Variants in ATF7IP2 observed in about 807,000 individuals in gnomAD.
ATF7IP2 encodes the protein activating transcription factor 7 interacting protein 2.
ATF7IP2 carries 42 observed loss-of-function variants against 64.2 expected under a neutral mutation model. The observed-to-expected ratio is 0.65, with a 90% CI of 0.51 to 0.85. ATF7IP2 has a LOEUF of 0.85. ATF7IP2 is among the 40% of genes least tolerant of loss of function. The pLI is 0.00. For synonymous variants in ATF7IP2, 308 were observed against 272.8 expected, an observed-to-expected ratio of 1.13 and a Z score of -1.27; for missense variants, 933 against 784.2, an observed-to-expected ratio of 1.19 and a Z score of -2.27.
In ATF7IP2 at chr16:10,412,010, G is replaced by GGTTTTTTTTTTTTTTTTTTTTTTTTT. The variant is rs1476575065; in HGVS notation, c.-241-2564_-241-2563insGTTTTTTTTTTTTTTTTTTTTTTTTT. ...CTTTTTGTTTCATTTATCTTTTTTT[G>GGTTTTTTTTTTTTTTTTTTTTTTTTT]TTTTTTTTTTTTTTTTTTTTTTTTT... On this transcript the variant is annotated intron_variant, in intron 1 of 13. Transcript: ENST00000562102. Among the ~76,000 whole-genome samples, 56 of 58,404 alleles carry GGTTTTTTTTTTTTTTTTTTTTTTTTT rather than the reference G, an allele frequency of 9.6e-4. 3 individuals carry two copies. Among genetic ancestry groups the GGTTTTTTTTTTTTTTTTTTTTTTTTT allele is most frequent in the Non-Finnish European group, 1.3e-3 (38 of 30,164 alleles). The allele number at this position is 58,404 out of a possible 152,430, so 38.3% of individuals were successfully genotyped here.
chr16:10,404,856 C>G (rs1488431233), intron 1 of ATF7IP2, among the ~76,000 whole-genome samples: 1 of 151,928 alleles, frequency 6.6e-6, no homozygotes, highest in South Asian at 2.1e-4. Flanking sequence ...AGTAACCTTA[C>G]AAGTCAGAAT....
intron 1 of ATF7IP2, among the ~76,000 whole-genome samples, chr16:10,397,980 C>T (rs915619071): frequency 1.3e-5 from 2 of 151,792 alleles, no homozygotes; most frequent in African/African-American, 4.8e-5. Context: ...TGAAATATCA[C>T]ATCTCACACC....
chr16:10,439,087 C>A (rs2048521257), intron 7 of ATF7IP2, among the ~76,000 whole-genome samples: 1 of 149,692 alleles, frequency 6.7e-6, no homozygotes, highest in Middle Eastern at 3.3e-3. Flanking sequence ...TCTTTTAAAC[C>A]TAAATATATC....
chr16:10,401,562 C>T (rs533214877), intron 1 of ATF7IP2, among the ~76,000 whole-genome samples: 1 of 152,088 alleles, frequency 6.6e-6, no homozygotes, highest in South Asian at 2.1e-4. Flanking sequence ...TCTGTAGTTT[C>T]TTTTTTTGCT....
chr16:10,475,143 GT>G (rs2049956224), intron 12 of ATF7IP2, among the ~76,000 whole-genome samples: 2 of 123,184 alleles, frequency 1.6e-5, no homozygotes, highest in African/African-American at 2.9e-5. Flanking sequence ...CAGATGGAAA[GT>G]AGATCTACAC....
At chr16:10,392,098 G>C (rs1464303653) in intron 1 of ATF7IP2, among the ~76,000 whole-genome samples, 3 of 134,072 alleles carry the variant, frequency 2.2e-5, no homozygotes, top group African/African-American at 8.7e-5. Context: ...CTTTTCCCCA[G>C]GCTGGAGTGA....
chr16:10,429,425 A>C (rs1157469698), intron 4 of ATF7IP2, among the ~76,000 whole-genome samples: 1 of 152,254 alleles, frequency 6.6e-6, no homozygotes, highest in Non-Finnish European at 1.5e-5. Context: ...ATCTCGGCTC[A>C]CTGCAACCTC....
intron 3 of ATF7IP2, among the ~76,000 whole-genome samples, chr16:10,422,777 T>C (rs1319684072): frequency 6.6e-6 from 1 of 152,202 alleles, no homozygotes; most frequent in Non-Finnish European, 1.5e-5. Context: ...TGCTTCCAAA[T>C]CCTCCTGTTC....
intron 1 of ATF7IP2, among the ~76,000 whole-genome samples, chr16:10,406,764 G>A (rs571583132): frequency 1.6e-4 from 24 of 152,232 alleles, no homozygotes; most frequent in African/African-American, 3.9e-4. Context: ...CATAAAAGCC[G>A]TAATAAAACA....
intron 11 of ATF7IP2, 111 bp downstream of exon 11, chr16:10,473,645 G>A (rs1336792453): frequency 1.3e-6 from 1 of 783,830 alleles, no homozygotes; most frequent in Non-Finnish European, 2.1e-6. Flanking sequence ...GTTACACACT[G>A]AAAAGCAGAC....
At chr16:10,420,501 G>A (rs966784399) in intron 3 of ATF7IP2, among the ~76,000 whole-genome samples, 2 of 152,202 alleles carry the variant, frequency 1.3e-5, no homozygotes, top group Admixed American at 6.5e-5. Flanking sequence ...CTATACCTGC[G>A]TTTGAGACCA....
At chr16:10,404,974 T>C (rs1212415433) in intron 1 of ATF7IP2, among the ~76,000 whole-genome samples, 2 of 152,090 alleles carry the variant, frequency 1.3e-5, no homozygotes, top group Non-Finnish European at 1.5e-5. Context: ...GAAGGAGAAA[T>C]AGTTTTTCTT....
chr16:10,476,532 T>C (rs550623932), intron 12 of ATF7IP2, among the ~76,000 whole-genome samples: 1 of 152,274 alleles, frequency 6.6e-6, no homozygotes, highest in East Asian at 1.9e-4. Flanking sequence ...GGGGTACATG[T>C]GCAGGATGTG....
At chr16:10,464,603 G>C (rs1230720492) in intron 9 of ATF7IP2, among the ~76,000 whole-genome samples, 2 of 152,142 alleles carry the variant, frequency 1.3e-5, no homozygotes, top group Non-Finnish European at 2.9e-5. Flanking sequence ...CTTCCAAAGA[G>C]TAAGCATCAG....
At chr16:10,420,281 C>T (rs2047966128) in intron 3 of ATF7IP2, among the ~76,000 whole-genome samples, 1 of 152,178 alleles carries the variant, frequency 6.6e-6, no homozygotes, top group African/African-American at 2.4e-5. Context: ...TCCTGATTGG[C>T]ATGTAGCCCA....
chr16:10,437,221 A>G (rs1177776145), intron 6 of ATF7IP2, among the ~76,000 whole-genome samples: 2 of 152,078 alleles, frequency 1.3e-5, no homozygotes, highest in Non-Finnish European at 2.9e-5. Context: ...GGGTTTCACC[A>G]TGTTGGTCAG....
chr16:10,397,829 C>G lies in ATF7IP2; in HGVS notation c.-242+11707C>G, dbSNP rs2047448619. Among the ~76,000 whole-genome samples, 3 of 149,838 alleles carry G rather than the reference C, an allele frequency of 2.0e-5. No homozygotes were observed. The South Asian group carries it at 6.3e-4, about 32-fold the overall frequency. On this transcript the variant is annotated intron_variant, in intron 1 of 13. Coordinates refer to ENST00000562102, the MANE Select transcript of ATF7IP2 (RefSeq NM_001393719.1). The stretch of plus-strand genomic sequence containing the variant: ...CTGAAATCGTGCCACTGCCCTGCAA[C>G]CTGGGTGACAAGAGTGAGACCTCAT...
At chr16:10,439,380 C>T (rs767738424) in intron 7 of ATF7IP2, among the ~76,000 whole-genome samples, 31 of 151,706 alleles carry the variant, frequency 2.0e-4, no homozygotes, top group South Asian at 2.1e-4. Flanking sequence ...GGACTACAGG[C>T]GCCCGCCACC....
intron 1 of ATF7IP2, among the ~76,000 whole-genome samples, chr16:10,402,124 C>G (rs1034134988): frequency 6.6e-6 from 1 of 151,964 alleles, no homozygotes; most frequent in Non-Finnish European, 1.5e-5. Context: ...TTTATTTCTT[C>G]TGCTAATTTT....
Sources: gnomAD v4.1 joint callset for allele counts (sites outside exome capture counted in the v4.1 genomes callset) on GRCh38, gnomAD v4.1.1 for gene constraint, MANE v1.5 for transcripts, NCBI Gene and HGNC (gene_info 2026-07-23, HGNC 2026-07-21) for gene names.